Variants in ST6GALNAC3 observed in about 807,000 individuals in gnomAD.
ST6GALNAC3 encodes the protein ST6 N-acetylgalactosaminide alpha-2,6-sialyltransferase 3.
In ST6GALNAC3, 25 loss-of-function variants were observed where a neutral mutation model predicts 32.7. That is an observed-to-expected ratio of 0.76 (90% confidence interval 0.56 to 1.07). ST6GALNAC3 has a LOEUF of 1.07. Among genes scored for constraint, ST6GALNAC3 ranks in the 50% least tolerant of loss-of-function variants. The pLI is 0.00. For missense variants in ST6GALNAC3, 355 were observed against 382.4 expected (o/e 0.93, Z 0.60); for synonymous variants, 129 against 133.1 (o/e 0.97, Z 0.21).
At chr1:76,180,744 A>G (rs1653124666) in intron 1 of ST6GALNAC3, among the ~76,000 whole-genome samples, 1 of 152,162 alleles carries the variant, frequency 6.6e-6, no homozygotes, top group Admixed American at 6.5e-5. Flanking sequence ...CAGGTGCTGG[A>G]TGGCCAAACT....
At chr1:76,344,259 T>C (rs1648307612) in intron 2 of ST6GALNAC3, among the ~76,000 whole-genome samples, 1 of 152,206 alleles carries the variant, frequency 6.6e-6, no homozygotes, top group Non-Finnish European at 1.5e-5. Context: ...CAATTTTTAC[T>C]CTGGCTCTTC....
intron 3 of ST6GALNAC3, among the ~76,000 whole-genome samples, chr1:76,606,481 C>T (rs1160086909): frequency 6.6e-6 from 1 of 151,986 alleles, no homozygotes; most frequent in African/African-American, 2.4e-5. Context: ...AAGCAAATAC[C>T]ACATGTTCTC....
chr1:76,443,483 G>A (rs1253340258), intron 3 of ST6GALNAC3, among the ~76,000 whole-genome samples: 1 of 152,196 alleles, frequency 6.6e-6, no homozygotes, highest in Non-Finnish European at 1.5e-5. Context: ...CCCAGAGCTA[G>A]GAGGAGTCTG....
At chr1:76,402,232 C>T (rs187617029) in intron 2 of ST6GALNAC3, among the ~76,000 whole-genome samples, 3 of 152,258 alleles carry the variant, frequency 2.0e-5, no homozygotes, top group East Asian at 1.9e-4. Flanking sequence ...ATCCCATTTG[C>T]AATCACAGAC....
At chr1:76,207,904 A>G (rs1271190964) in intron 1 of ST6GALNAC3, among the ~76,000 whole-genome samples, 4 of 152,234 alleles carry the variant, frequency 2.6e-5, no homozygotes, top group Non-Finnish European at 2.9e-5. Context: ...TGCCTAACAT[A>G]AAATGATCTT....
intron 2 of ST6GALNAC3, among the ~76,000 whole-genome samples, chr1:76,383,348 G>T (rs1651861110): frequency 6.6e-6 from 1 of 151,658 alleles, no homozygotes; most frequent in South Asian, 2.1e-4. Context: ...AAAGCTCACT[G>T]CAGCCTTGAA....
At chr1:76,276,412 G>GAT (rs1293368696) in intron 1 of ST6GALNAC3, among the ~76,000 whole-genome samples, 3 of 152,012 alleles carry the variant, frequency 2.0e-5, no homozygotes, top group Non-Finnish European at 4.4e-5. Context: ...TTGTGATAAT[G>GAT]ATATCATCTA....
chr1:76,108,364 G>A (rs565251848), intron 1 of ST6GALNAC3, among the ~76,000 whole-genome samples: 48 of 152,288 alleles, frequency 3.2e-4, no homozygotes, highest in African/African-American at 1.2e-3. Context: ...GGTTTTGCAT[G>A]CAATTTGAAG....
rs1192051322 is a variant in ST6GALNAC3, at chr1:76,458,328, G to A, written c.623+45911G>A. On this transcript the variant is annotated intron_variant, in intron 3 of 4. Transcript: ENST00000328299. ...CAACCATCGTGGAAGTCAGTGTGGC[G>A]ATTCCTCAGGGATCTAGAACTAGAA... 5.8e-5 allele frequency among the ~76,000 whole-genome samples: 4 copies of A among 69,500 alleles called. No individual in the cohort carries two copies. The East Asian group carries it at 9.3e-4, about 16-fold the overall frequency. The allele number at this position is 69,500 out of a possible 152,430, so 45.6% of individuals were successfully genotyped here. A position where few individuals can be genotyped will look rare whatever the true frequency, so the allele number is the denominator to read the frequency against.
At chr1:76,306,651 A>G (rs776264463) in intron 1 of ST6GALNAC3, among the ~76,000 whole-genome samples, 88 of 142,554 alleles carry the variant, frequency 6.2e-4, no homozygotes, top group Non-Finnish European at 1.0e-3. Flanking sequence ...TTTCTGAGGA[A>G]CTTTTTTCCC....
chr1:76,584,590 T>C (rs974095160), intron 3 of ST6GALNAC3, among the ~76,000 whole-genome samples: 4 of 152,240 alleles, frequency 2.6e-5, no homozygotes, highest in African/African-American at 4.8e-5. Flanking sequence ...TTTTCCAATA[T>C]CTTAAATGCT....
intron 2 of ST6GALNAC3, among the ~76,000 whole-genome samples, chr1:76,340,094 T>G (rs1371862096): frequency 6.6e-6 from 1 of 152,224 alleles, no homozygotes; most frequent in Non-Finnish European, 1.5e-5. Flanking sequence ...ATGAGAATTT[T>G]GGGCAACATA....
At chr1:76,074,974 T>G in intron 1 of ST6GALNAC3, 90 bp downstream of exon 1, 1 of 1,478,366 alleles carries the variant, frequency 6.8e-7, no homozygotes, top group African/African-American at 1.4e-5. Flanking sequence ...CACCGCATCC[T>G]CATCTCAGTT....
chr1:76,138,919 G>A (rs189615322), intron 1 of ST6GALNAC3, among the ~76,000 whole-genome samples: 44 of 152,310 alleles, frequency 2.9e-4, no homozygotes, highest in Non-Finnish European at 3.1e-4. Flanking sequence ...CACTGGCCGG[G>A]CGCAGTGGCT....
intron 1 of ST6GALNAC3, among the ~76,000 whole-genome samples, chr1:76,112,403 G>A (rs1005663188): frequency 1.4e-5 from 2 of 145,782 alleles, no homozygotes; most frequent in Non-Finnish European, 3.0e-5. Context: ...GGACTGGGCG[G>A]CTGGCCGGGC....
chr1:76,199,206 C>T (rs68000528), intron 1 of ST6GALNAC3, among the ~76,000 whole-genome samples: 12,771 of 152,186 alleles, frequency 0.084, 591 homozygotes, highest in African/African-American at 0.12. Context: ...ATAAAAATTG[C>T]CACATTTACC....
chr1:76,580,635 C>T (rs1049975960), intron 3 of ST6GALNAC3, among the ~76,000 whole-genome samples: 2 of 151,972 alleles, frequency 1.3e-5, no homozygotes, highest in African/African-American at 4.8e-5. Flanking sequence ...TTTGTGTCTT[C>T]ATCACTGTGT....
At chr1:76,139,159 A>G (rs1297533319) in intron 1 of ST6GALNAC3, among the ~76,000 whole-genome samples, 1 of 151,368 alleles carries the variant, frequency 6.6e-6, no homozygotes, top group Admixed American at 6.6e-5. Context: ...GCGCCACTGC[A>G]CTCCAGCCTG....
At chr1:76,529,057 G>A (rs1460622994) in intron 3 of ST6GALNAC3, among the ~76,000 whole-genome samples, 1 of 151,900 alleles carries the variant, frequency 6.6e-6, no homozygotes. Flanking sequence ...CTGTGTGCAG[G>A]CATCACCTGT....
Sources: gnomAD v4.1 joint callset for allele counts (sites outside exome capture counted in the v4.1 genomes callset) on GRCh38, gnomAD v4.1.1 for gene constraint, MANE v1.5 for transcripts, NCBI Gene and HGNC (gene_info 2026-07-23, HGNC 2026-07-21) for gene names.